Variants in TAF1B observed in about 807,000 individuals in gnomAD.
The protein encoded by TAF1B is TATA box-binding protein-associated factor RNA polymerase I subunit B.
TAF1B carries 61 observed loss-of-function variants against 83.9 expected under a neutral mutation model. That is an observed-to-expected ratio of 0.73 (90% CI 0.59 to 0.90). The LOEUF is 0.90. Ranked by LOEUF, TAF1B falls within the 40% of genes least tolerant of loss-of-function variation. The pLI is 0.00. For missense variants in TAF1B, 625 were observed against 677.0 expected, an observed-to-expected ratio of 0.92 and a Z score of 0.85; for synonymous variants, 221 against 224.6, an observed-to-expected ratio of 0.98 and a Z score of 0.14.
chr2:9,909,347 T>C (rs1665449965), intron 9 of TAF1B, among the ~76,000 whole-genome samples: 1 of 152,164 alleles, frequency 6.6e-6, no homozygotes, highest in South Asian at 2.1e-4. Flanking sequence ...CAGGAGGCTG[T>C]GGTATCATGT....
intron 8 of TAF1B, among the ~76,000 whole-genome samples, chr2:9,884,402 T>C (rs7602449): frequency 0.23 from 34,694 of 152,216 alleles, 4,812 homozygotes; most frequent in East Asian, 0.31. Flanking sequence ...TACAACTGTT[T>C]TAGCCTTGCC....
intron 8 of TAF1B, among the ~76,000 whole-genome samples, chr2:9,896,486 C>CA (rs1307844797): frequency 3.3e-5 from 5 of 151,958 alleles, no homozygotes; most frequent in Non-Finnish European, 5.9e-5. Context: ...ACAAAAGGTG[C>CA]AATTGTGCTA....
intron 8 of TAF1B, among the ~76,000 whole-genome samples, chr2:9,898,162 C>T (rs1341972095): frequency 6.6e-6 from 1 of 152,144 alleles, no homozygotes; most frequent in Non-Finnish European, 1.5e-5. Flanking sequence ...GGATCCATAG[C>T]AATTTCATTA....
intron 5 of TAF1B, among the ~76,000 whole-genome samples, chr2:9,860,707 G>A (rs1185699461): frequency 2.6e-5 from 4 of 152,168 alleles, no homozygotes; most frequent in African/African-American, 4.8e-5. Context: ...GAAACCAAGG[G>A]AACAAAGTGT....
rs1420550441 is a variant in TAF1B, at chr2:9,849,418, A to G, written c.163A>G (p.Ile55Val). The G allele has an allele frequency of 1.3e-6, 2 of 1,598,262 alleles. No homozygotes were observed. The highest frequency in any genetic ancestry group is 1.7e-5 in the Admixed American group (1 of 57,536). The change falls in exon 3 of 15, where the codon ATA (isoleucine) becomes GTA (valine). Residue 55 changes from isoleucine (I) to valine (V), a missense_variant. Ile to Val is a conservative substitution (Grantham distance 29). Transcript: ENST00000263663. Reference protein sequence around the residue: ...TNTDLIPNTQIKALNRGLKKK... With the variant: ...TNTDLIPNTQVKALNRGLKKK... Reference sequence around the variant, plus strand: ...CACTGATCTTATTCCTAATACCCAAATAAAAGCCCTCAACCGGGGGCTTAA... The same window carrying G: ...CACTGATCTTATTCCTAATACCCAAGTAAAAGCCCTCAACCGGGGGCTTAA...
intron 5 of TAF1B, among the ~76,000 whole-genome samples, chr2:9,857,673 T>C (rs941242846): frequency 2.6e-5 from 4 of 152,146 alleles, no homozygotes; most frequent in Non-Finnish European, 5.9e-5. Context: ...CTAGAAAACA[T>C]GTAATCATGG....
chr2:9,932,127 A>G (rs912587115), intron 14 of TAF1B, among the ~76,000 whole-genome samples: 1 of 152,180 alleles, frequency 6.6e-6, no homozygotes. Context: ...CCTTTAGCTC[A>G]GAAAAGTTTG....
chr2:9,882,860 G>T, intron 8 of TAF1B, 55 bp downstream of exon 8: 1 of 1,255,156 alleles, frequency 8.0e-7, no homozygotes, highest in South Asian at 1.6e-5. Flanking sequence ...AGAGTGGTAT[G>T]ATAATTTCTA....
intron 12 of TAF1B, among the ~76,000 whole-genome samples, chr2:9,916,837 C>CGTTTTTTTTTT (rs1665693821): frequency 1.0e-5 from 1 of 95,720 alleles, no homozygotes; most frequent in Non-Finnish European, 2.3e-5. Context: ...CCTTTCTGTT[C>CGTTTTTTTTTT]TTTTTTTTTT....
chr2:9,844,658 A>G (rs1663143136), intron 1 of TAF1B, among the ~76,000 whole-genome samples: 2 of 152,284 alleles, frequency 1.3e-5, no homozygotes, highest in African/African-American at 4.8e-5. Flanking sequence ...TGAAATGAAT[A>G]ATTGTAACTC....
At chr2:9,933,637 C>A (rs1666284949) in intron 14 of TAF1B, 146 bp from the exon 15 acceptor site, 2 of 649,670 alleles carry the variant, frequency 3.1e-6, no homozygotes, top group African/African-American at 1.8e-5. Flanking sequence ...TTAACAAATT[C>A]TTCTAAGTTT....
chr2:9,888,801 T>G (rs1461802522), intron 8 of TAF1B, among the ~76,000 whole-genome samples: 31 of 141,938 alleles, frequency 2.2e-4, no homozygotes, highest in African/African-American at 7.6e-4. Flanking sequence ...TTTTTTTTTT[T>G]TTTTTTTTTT....
chr2:9,891,426 GCCTGATACATGTA>G (rs1664871612), intron 8 of TAF1B, among the ~76,000 whole-genome samples: 2 of 152,064 alleles, frequency 1.3e-5, no homozygotes, highest in African/African-American at 4.8e-5. Context: ...TTTAACTGAT[GCCTGATACATGTA>G]CCTATTTCTG....
At chr2:9,892,532 C>T (rs1451819249) in intron 8 of TAF1B, among the ~76,000 whole-genome samples, 2 of 152,180 alleles carry the variant, frequency 1.3e-5, no homozygotes, top group African/African-American at 2.4e-5. Flanking sequence ...TGAGATCATG[C>T]AGTATTTGTC....
intron 5 of TAF1B, among the ~76,000 whole-genome samples, chr2:9,864,550 A>T (rs1278048550): frequency 6.6e-6 from 1 of 152,220 alleles, no homozygotes; most frequent in Non-Finnish European, 1.5e-5. Flanking sequence ...AACTATTCCA[A>T]TCAGTAGAAA....
chr2:9,912,576 A>G (rs1231882060), intron 11 of TAF1B, among the ~76,000 whole-genome samples: 1 of 152,204 alleles, frequency 6.6e-6, no homozygotes, highest in Non-Finnish European at 1.5e-5. Flanking sequence ...ATAATTTACT[A>G]CGTAGACATG....
chr2:9,929,252 G>GGAGGTT (rs1558273438), intron 14 of TAF1B, among the ~76,000 whole-genome samples: 2 of 152,164 alleles, frequency 1.3e-5, no homozygotes, highest in Non-Finnish European at 2.9e-5. Flanking sequence ...TCCGCCTCCC[G>GGAGGTT]GGTTCACGCC....
chr2:9,887,098 G>A (rs1664699190), intron 8 of TAF1B, among the ~76,000 whole-genome samples: 1 of 152,258 alleles, frequency 6.6e-6, no homozygotes, highest in Middle Eastern at 3.4e-3. Context: ...CACCTATGGG[G>A]AGTGTGGTAA....
intron 7 of TAF1B, among the ~76,000 whole-genome samples, chr2:9,878,352 A>G (rs1664388116): frequency 6.6e-6 from 1 of 151,940 alleles, no homozygotes; most frequent in Admixed American, 6.6e-5. Context: ...GCCTCCCAAA[A>G]TGTTGGGATT....
Sources: gnomAD v4.1 joint callset for allele counts (sites outside exome capture counted in the v4.1 genomes callset) on GRCh38, gnomAD v4.1.1 for gene constraint, MANE v1.5 for transcripts, NCBI Gene and HGNC (gene_info 2026-07-23, HGNC 2026-07-21) for gene names.